Variants in RARRES1 observed in about 807,000 individuals in gnomAD.
RARRES1 encodes the protein retinoic acid receptor responder 1, also known as retinoic acid receptor responder protein 1.
Under a neutral mutation model 30.6 loss-of-function variants are expected in RARRES1, and 34 were observed. That is an observed-to-expected ratio of 1.11 (90% CI 0.84 to 1.48). RARRES1 has a LOEUF of 1.48. Among genes scored for constraint, RARRES1 ranks in the 40% most tolerant of loss-of-function variants. RARRES1 has a pLI of 0.00. For missense variants in RARRES1, 373 were observed against 386.5 expected, an observed-to-expected ratio of 0.97 and a Z score of 0.29; for synonymous variants, 153 against 155.5, an observed-to-expected ratio of 0.98 and a Z score of 0.12.
chr3:158,697,546 C>T lies in RARRES1; in HGVS notation c.*132G>A. On this transcript the variant is annotated 3_prime_UTR_variant, in exon 6 of 6. Transcript: ENST00000237696. ...ACAAAAAACCAACATCTTTGCATTT[C>T]TGAGTTTTTACTTGTAATCATAGGT... 1 of 1,004,220 alleles carries T rather than the reference C, an allele frequency of 1.0e-6. No individual in the cohort carries two copies. Among genetic ancestry groups the T allele is most frequent in the Non-Finnish European group, 1.4e-6 (1 of 696,130 alleles). 62.2% of individuals were successfully genotyped at this position (1,004,220 alleles called of 1,614,324 possible).
At chr3:158,718,021 C>T (rs1727382002) in intron 1 of RARRES1, among the ~76,000 whole-genome samples, 1 of 151,034 alleles carries the variant, frequency 6.6e-6, no homozygotes, top group Admixed American at 6.6e-5. Flanking sequence ...CTCTGTCGCC[C>T]AGGCTGGAGC....
intron 1 of RARRES1, among the ~76,000 whole-genome samples, chr3:158,730,235 G>A (rs1261121484): frequency 6.7e-6 from 1 of 150,248 alleles, no homozygotes; most frequent in Non-Finnish European, 1.5e-5. Context: ...CAGGAGAATC[G>A]CTTGAACCTG....
rs2108133125 is a variant in RARRES1, at chr3:158,704,909, T to C, written c.554A>G (p.Asp185Gly). Residue 185 changes from aspartate to glycine, a missense_variant, in exon 4 of 6, where the codon GAT becomes GGT. Transcript: ENST00000237696. ...VSIPDNHGHIDPSLRLIWDLA... is the reference protein window; with the variant it reads ...VSIPDNHGHIGPSLRLIWDLA... Reference sequence around the variant, plus strand: ...ATCCCAGATGAGTCTCAGAGAGGGATCAATATGTCCATGATTATCTGAGAG... The same window carrying C: ...ATCCCAGATGAGTCTCAGAGAGGGACCAATATGTCCATGATTATCTGAGAG... 6.2e-7 allele frequency: 1 copy of C among 1,612,778 alleles called. No homozygotes were observed. Among genetic ancestry groups the C allele is most frequent in the South Asian group, 1.1e-5 (1 of 90,902 alleles).
In RARRES1 at chr3:158,732,233, C is replaced by A; in HGVS notation, c.183G>T (p.Gln61His). 7.1e-7 allele frequency: 1 copy of A among 1,398,736 alleles called. No homozygotes were observed. Among genetic ancestry groups the A allele is most frequent in the Non-Finnish European group, 9.2e-7 (1 of 1,084,018 alleles). The allele number at this position is 1,398,736 out of a possible 1,614,324, so 86.6% of individuals were successfully genotyped here. ...DAGVPRRLLQ[Q>H]AARAALHFFN... ...AGAAGTGAAGCGCCGCGCGCGCCGCCTGCTGCAGGAGCCTGCGCGGGACCC... is the reference window on the plus strand; with the variant it reads ...AGAAGTGAAGCGCCGCGCGCGCCGCATGCTGCAGGAGCCTGCGCGGGACCC... The change falls in exon 1 of 6, where the codon CAG becomes CAT. Residue 61 changes from glutamine to histidine, a missense_variant. By Grantham distance (24) the Gln-to-His change is conservative (BLOSUM62 0). Coordinates refer to ENST00000237696, the MANE Select transcript of RARRES1 (RefSeq NM_206963.2).
At chr3:158,728,354 C>T (rs1292341966) in intron 1 of RARRES1, among the ~76,000 whole-genome samples, 3 of 152,064 alleles carry the variant, frequency 2.0e-5, no homozygotes, top group African/African-American at 4.8e-5. Context: ...TACCCATGAA[C>T]TACACTTCTC....
intron 1 of RARRES1, 95 bp downstream of exon 1, chr3:158,732,044 TC>T: frequency 8.6e-7 from 1 of 1,165,386 alleles, no homozygotes; most frequent in South Asian, 2.9e-5. Flanking sequence ...TGGCGGACCA[TC>T]CGTTGGGCCG....
intron 4 of RARRES1, among the ~76,000 whole-genome samples, chr3:158,703,695 G>A (rs2108131778): frequency 6.6e-6 from 1 of 152,260 alleles, no homozygotes. Context: ...CTTTCCAGCA[G>A]CATTTAGTAC....
chr3:158,716,534 T>C lies in RARRES1; in HGVS notation c.277-2675A>G, dbSNP rs368178409. On this transcript the variant is annotated intron_variant, in intron 1 of 5. Transcript: ENST00000237696. ...TGAGCTGGTGTGGAGTCTGTCCTTT[T>C]AAAGAGTTATTTTCTTTGCTGATTT... Among the ~76,000 whole-genome samples, 16 of 152,280 alleles carry C rather than the reference T, an allele frequency of 1.1e-4. No individual in the cohort carries two copies. The East Asian group carries it at 2.7e-3, about 26-fold the overall frequency.
At position 158,723,669 on chromosome 3, in the gene RARRES1, C is replaced by T. The variant is rs2108151658; in HGVS notation, c.276+8471G>A. Among the ~76,000 whole-genome samples the T allele has an allele frequency of 6.6e-6, 1 of 152,298 alleles. No homozygotes were observed. Among genetic ancestry groups the T allele is most frequent in the Middle Eastern group, 3.4e-3 (1 of 294 alleles). ...CTCTCTCAGCCAACCCTGGGTCCCA[C>T]GTTCTTGATTTGGGGTAGGAAGCGA... On this transcript the variant is annotated intron_variant, in intron 1 of 5. Transcript: ENST00000237696. This position sits in a 1 kb window ranked among gnomAD's most constrained non-coding sequence, Gnocchi z 4.4.
At chr3:158,711,195 A>C (rs552134436) in intron 2 of RARRES1, among the ~76,000 whole-genome samples, 1 of 152,148 alleles carries the variant, frequency 6.6e-6, no homozygotes, top group Non-Finnish European at 1.5e-5. Context: ...ATTGACATCC[A>C]TTGAGCACTG....
At chr3:158,729,156 A>G (rs1325666146) in intron 1 of RARRES1, among the ~76,000 whole-genome samples, 1 of 152,096 alleles carries the variant, frequency 6.6e-6, no homozygotes, top group Non-Finnish European at 1.5e-5. Flanking sequence ...TGTTGGCAGA[A>G]CATGAATTAT....
At chr3:158,726,293 A>T (rs1243341529) in intron 1 of RARRES1, among the ~76,000 whole-genome samples, 1 of 152,272 alleles carries the variant, frequency 6.6e-6, no homozygotes, top group African/African-American at 2.4e-5. Context: ...TAATTAAATT[A>T]TGTTGTATTA....
chr3:158,731,165 C>T (rs1006219480), intron 1 of RARRES1, among the ~76,000 whole-genome samples: 2 of 152,186 alleles, frequency 1.3e-5, no homozygotes, highest in Admixed American at 6.5e-5. Flanking sequence ...TTTTGAAGAA[C>T]CGAGGCTGAG....
At chr3:158,720,647 GT>G (rs1435630325) in intron 1 of RARRES1, among the ~76,000 whole-genome samples, 1 of 151,962 alleles carries the variant, frequency 6.6e-6, no homozygotes, top group East Asian at 1.9e-4. Context: ...TTGTTTGTTT[GT>G]TTTTGAGATG....
chr3:158,717,597 A>G (rs896526325), intron 1 of RARRES1, among the ~76,000 whole-genome samples: 2 of 152,268 alleles, frequency 1.3e-5, no homozygotes, highest in Non-Finnish European at 2.9e-5. Context: ...TGCAGGCTAC[A>G]AAGAGGATTT....
chr3:158,728,210 T>TAAAA (rs1553746094), intron 1 of RARRES1, among the ~76,000 whole-genome samples: 21 of 145,028 alleles, frequency 1.4e-4, no homozygotes, highest in African/African-American at 5.1e-4. Flanking sequence ...CTATTTCGTT[T>TAAAA]AAAAAAAAAA....
rs141744421 is a variant in RARRES1, at chr3:158,708,444, G to A, written c.535+2294C>T. ...ACACAACTTTAGCTGGTTATTCCCA[G>A]GTCTTCAATCTTTCCCTCTGTATGT... is the stretch of plus-strand genomic sequence containing the variant. On this transcript the variant is annotated intron_variant, in intron 3 of 5. Transcript: ENST00000237696. Among the ~76,000 whole-genome samples, 506 of 152,262 alleles carry A rather than the reference G, an allele frequency of 3.3e-3. 1 individual carries two copies. The highest frequency in any genetic ancestry group is 0.011 in the African/African-American group (462 of 41,550).
At position 158,732,244 on chromosome 3, in the gene RARRES1, G is replaced by A. The variant is rs1472469443; in HGVS notation, c.172C>T (p.Leu58Phe). The A allele has an allele frequency of 6.5e-6, 9 of 1,386,566 alleles. No individual in the cohort carries two copies. The highest frequency in any genetic ancestry group is 1.7e-5 in the South Asian group (1 of 59,952). The allele number at this position is 1,386,566 out of a possible 1,614,324, so 85.9% of individuals were successfully genotyped here. The change falls in exon 1 of 6, where the codon CTC (leucine) becomes TTC (phenylalanine). Residue 58 changes from leucine to phenylalanine, a missense_variant. Coordinates refer to ENST00000237696, the MANE Select transcript of RARRES1 (RefSeq NM_206963.2). Reference protein sequence around the residue: ...QPQDAGVPRRLLQQAARAALH... With the variant: ...QPQDAGVPRRFLQQAARAALH... ...GCCGCGCGCGCCGCCTGCTGCAGGA[G>A]CCTGCGCGGGACCCCAGCATCCTGA...
At chr3:158,712,097 C>G (rs749346590) in intron 2 of RARRES1, among the ~76,000 whole-genome samples, 17 of 152,326 alleles carry the variant, frequency 1.1e-4, no homozygotes. Context: ...ATGCACAGAT[C>G]AGCACTGGGC....
Sources: gnomAD v4.1 joint callset for allele counts (sites outside exome capture counted in the v4.1 genomes callset) on GRCh38, gnomAD v4.1.1 for gene constraint, Gnocchi (gnomAD v3.1) non-coding constraint, MANE v1.5 for transcripts, NCBI Gene and HGNC (gene_info 2026-07-23, HGNC 2026-07-21) for gene names.